The following LOC128092252 variants were observed in gnomAD, a reference collection of about 807,000 sequenced individuals.
At chr15:50,655,901 A>C in the LOC128092252 span, among the ~76,000 whole-genome samples, 1 of 152,020 alleles carries the variant, frequency 6.6e-6, no homozygotes. Flanking sequence ...GAGGCAGGAG[A>C]ATCACTTGAA....
At chr15:50,649,437 CA>C in the LOC128092252 span, among the ~76,000 whole-genome samples, 221 of 92,676 alleles carry the variant, frequency 2.4e-3, no homozygotes, top group Non-Finnish European at 2.3e-3. Flanking sequence ...GACCCCAACT[CA>C]AAAAAAAAAA....
chr15:50,670,558 T>C, the LOC128092252 span, among the ~76,000 whole-genome samples: 1 of 152,212 alleles, frequency 6.6e-6, no homozygotes, highest in Non-Finnish European at 1.5e-5. Flanking sequence ...AGTTTACAGA[T>C]GCCATGGCAA....
the LOC128092252 span, among the ~76,000 whole-genome samples, chr15:50,669,461 T>C: frequency 6.6e-6 from 1 of 151,988 alleles, no homozygotes; most frequent in Non-Finnish European, 1.5e-5. Flanking sequence ...AAAAAATCCA[T>C]GCTGGGCTCG....
chr15:50,657,862 A>G, the LOC128092252 span: 8 of 1,543,710 alleles, frequency 5.2e-6, no homozygotes, highest in Non-Finnish European at 6.2e-6. Flanking sequence ...CAGGTGAAAA[A>G]CTTTCTGATT....
the LOC128092252 span, among the ~76,000 whole-genome samples, chr15:50,656,481 A>T: frequency 6.7e-6 from 1 of 148,336 alleles, no homozygotes; most frequent in Non-Finnish European, 1.5e-5. Context: ...CCATGCCAAG[A>T]TTTTTGTGTG....
the LOC128092252 span, among the ~76,000 whole-genome samples, chr15:50,677,333 A>G: frequency 1.3e-5 from 2 of 151,944 alleles, no homozygotes; most frequent in East Asian, 3.9e-4. Context: ...ATCTCCAAAT[A>G]CCATCACACT....
the LOC128092252 span, among the ~76,000 whole-genome samples, chr15:50,672,545 G>A: frequency 1.3e-5 from 2 of 152,082 alleles, 1 homozygote; most frequent in South Asian, 4.2e-4. Flanking sequence ...GTAGGCCTAG[G>A]CTAACGTGTA....
At chr15:50,677,196 C>G in the LOC128092252 span, among the ~76,000 whole-genome samples, 1 of 152,102 alleles carries the variant, frequency 6.6e-6, no homozygotes, top group Non-Finnish European at 1.5e-5. Flanking sequence ...TGTGTCTTCA[C>G]ACAGTGAAGA....
chr15:50,671,495 T>C, the LOC128092252 span, among the ~76,000 whole-genome samples: 3 of 152,156 alleles, frequency 2.0e-5, no homozygotes, highest in Non-Finnish European at 4.4e-5. Context: ...CATAAGATTA[T>C]AATGGACCTG....
the LOC128092252 span, among the ~76,000 whole-genome samples, chr15:50,670,810 G>GAAAAAAAAAAAAAAAAAA: frequency 8.8e-6 from 1 of 113,510 alleles, no homozygotes; most frequent in African/African-American, 3.2e-5. Context: ...AAAAGAAAAA[G>GAAAAAAAAAAAAAAAAAA]AAAAAAAAAA....
the LOC128092252 span, among the ~76,000 whole-genome samples, chr15:50,650,686 C>T: frequency 6.6e-6 from 1 of 150,978 alleles, no homozygotes; most frequent in Admixed American, 6.6e-5. Context: ...CACAGCAAGA[C>T]TGGGTCTCAA....
At chr15:50,677,616 G>A in the LOC128092252 span, among the ~76,000 whole-genome samples, 4 of 151,570 alleles carry the variant, frequency 2.6e-5, no homozygotes, top group Non-Finnish European at 5.9e-5. Flanking sequence ...TCACGCGCCT[G>A]TAATCCCGGC....
the LOC128092252 span, among the ~76,000 whole-genome samples, chr15:50,679,027 C>G: frequency 2.0e-5 from 3 of 152,110 alleles, no homozygotes; most frequent in African/African-American, 7.2e-5. Context: ...GTGCGTGCCA[C>G]CACGCCCGGC....
chr15:50,658,614 G>C, the LOC128092252 span, among the ~76,000 whole-genome samples: 1 of 150,632 alleles, frequency 6.6e-6, no homozygotes, highest in Admixed American at 6.6e-5. Context: ...AATACAGAGA[G>C]AGTCTGGTAT....
the LOC128092252 span, among the ~76,000 whole-genome samples, chr15:50,655,080 C>G: frequency 1.5e-5 from 2 of 131,862 alleles, no homozygotes; most frequent in East Asian, 4.5e-4. Context: ...AAGAGTGAAC[C>G]TGAAGACATC....
the LOC128092252 span, among the ~76,000 whole-genome samples, chr15:50,670,806 AAAAG>A: frequency 7.2e-6 from 1 of 138,740 alleles, no homozygotes; most frequent in East Asian, 2.0e-4. Context: ...AAAAAAAAGA[AAAAG>A]AAAAAAAAAA....
chr15:50,685,696 T>C, the LOC128092252 span, among the ~76,000 whole-genome samples: 7 of 152,208 alleles, frequency 4.6e-5, no homozygotes, highest in Non-Finnish European at 8.8e-5. Flanking sequence ...GTCCCTGATG[T>C]AAATGACTTT....
chr15:50,657,819 T>G, the LOC128092252 span: 1 of 1,610,970 alleles, frequency 6.2e-7, no homozygotes, highest in Admixed American at 1.7e-5. Context: ...CTGGAAGGCA[T>G]CTATTGAACA....
chr15:50,663,749 T>C, the LOC128092252 span, among the ~76,000 whole-genome samples: 1 of 152,108 alleles, frequency 6.6e-6, no homozygotes, highest in African/African-American at 2.4e-5. Context: ...AGGATCCTTT[T>C]AGACAGAATT....
Sources: gnomAD v4.1 joint callset for allele counts (sites outside exome capture counted in the v4.1 genomes callset) on GRCh38, gnomAD v4.1.1 for gene constraint, MANE v1.5 for transcripts.